SNX3: variants seen among roughly 807,000 people sequenced by gnomAD.
The protein encoded by SNX3 is sorting nexin-3.
Under a neutral mutation model 17.7 loss-of-function variants are expected in SNX3, and 5 were observed. The observed-to-expected ratio is 0.28, with a 90% confidence interval of 0.15 to 0.59. The LOEUF (loss-of-function observed/expected upper bound fraction) is 0.59. Among genes scored for constraint, SNX3 ranks in the 20% least tolerant of loss-of-function variants. The pLI is 0.88. For missense variants in SNX3, 132 were observed against 206.8 expected, an observed-to-expected ratio of 0.64 and a Z score of 2.22; for synonymous variants, 91 against 76.5, an observed-to-expected ratio of 1.19 and a Z score of -0.99.
At chr6:108,244,665 T>C (rs1395795848) in intron 1 of SNX3, among the ~76,000 whole-genome samples, 2 of 145,948 alleles carry the variant, frequency 1.4e-5, no homozygotes, top group South Asian at 4.5e-4. Flanking sequence ...TTTTTTTTTT[T>C]TTTTTTGCTC....
At chr6:108,234,922 G>T (rs1265220763) in intron 1 of SNX3, among the ~76,000 whole-genome samples, 1 of 152,142 alleles carries the variant, frequency 6.6e-6, no homozygotes, top group Non-Finnish European at 1.5e-5. Flanking sequence ...GATCCAGGGA[G>T]TTTAAATATT....
At chr6:108,243,502 T>C (rs1230620896) in intron 1 of SNX3, among the ~76,000 whole-genome samples, 1 of 152,204 alleles carries the variant, frequency 6.6e-6, no homozygotes, top group Non-Finnish European at 1.5e-5. Context: ...CATGCTCATG[T>C]GTGTGACATG....
At chr6:108,245,153 C>T (rs1185709451) in intron 1 of SNX3, among the ~76,000 whole-genome samples, 1 of 151,990 alleles carries the variant, frequency 6.6e-6, no homozygotes, top group Admixed American at 6.6e-5. Flanking sequence ...ATGTTCCCCT[C>T]CCTGTGTCCA....
At chr6:108,243,236 G>GA (rs1412599683) in intron 1 of SNX3, among the ~76,000 whole-genome samples, 4 of 152,092 alleles carry the variant, frequency 2.6e-5, no homozygotes, top group Admixed American at 2.6e-4. Flanking sequence ...CTCCTGTGTA[G>GA]ATGAGACTAT....
At chr6:108,234,553 A>AAAAAC (rs961180068) in intron 1 of SNX3, among the ~76,000 whole-genome samples, 12 of 152,292 alleles carry the variant, frequency 7.9e-5, no homozygotes, top group East Asian at 7.7e-4. Flanking sequence ...TCTGTCTCAA[A>AAAAAC]AAAACAAAAC....
intron 1 of SNX3, among the ~76,000 whole-genome samples, chr6:108,242,641 C>A (rs149888849): frequency 0.018 from 2,732 of 152,280 alleles, 38 homozygotes; most frequent in Middle Eastern, 0.075. Context: ...GTGAGTGAGG[C>A]CTATGAATGC....
At chr6:108,224,746 A>G (rs992417580) in intron 1 of SNX3, among the ~76,000 whole-genome samples, 2 of 152,230 alleles carry the variant, frequency 1.3e-5, no homozygotes, top group Non-Finnish European at 2.9e-5. Flanking sequence ...TACCCCTAGT[A>G]GGAAATTAAA....
intron 2 of SNX3, among the ~76,000 whole-genome samples, chr6:108,217,654 C>A (rs1169534812): frequency 6.6e-6 from 1 of 150,972 alleles, no homozygotes; most frequent in Non-Finnish European, 1.5e-5. Flanking sequence ...ACTCAGGAGG[C>A]TGAGGAGAAT....
At chr6:108,223,424 C>G (rs1317229656) in intron 1 of SNX3, among the ~76,000 whole-genome samples, 2 of 151,826 alleles carry the variant, frequency 1.3e-5, no homozygotes, top group Non-Finnish European at 2.9e-5. Context: ...AGGCATGAGC[C>G]ACGGCACCCG....
Position 108,261,040 on chromosome 6 carries a change from G to T in SNX3, c.-119C>A. 3.1e-6 allele frequency: 3 copies of T among 982,258 alleles called. No homozygotes were observed. Among genetic ancestry groups the T allele is most frequent in the Non-Finnish European group, 4.1e-6 (3 of 726,446 alleles). The allele number at this position is 982,258 out of a possible 1,614,324, so 60.8% of individuals were successfully genotyped here. On this transcript the variant is annotated 5_prime_UTR_variant, in exon 1 of 4. Coordinates refer to ENST00000230085, the MANE Select transcript of SNX3 (RefSeq NM_003795.6). ...GGCTCGCGCGCAGCGGTCGCGAAGAGAACGAGCACGTAGAGCGGGCGTTCA... is the reference window on the plus strand; with the variant it reads ...GGCTCGCGCGCAGCGGTCGCGAAGATAACGAGCACGTAGAGCGGGCGTTCA...
rs1045977800 is a variant in SNX3, at chr6:108,258,488, T to G, written c.162+2272A>C. On this transcript the variant is annotated intron_variant, in intron 1 of 3. Coordinates refer to ENST00000230085, the MANE Select transcript of SNX3 (RefSeq NM_003795.6). The stretch of plus-strand genomic sequence containing the variant: ...AAAAAAAAAAAAATTTTCTTTAACA[T>G]GTAAATGACTATACCAAAACCCTTT... Among the ~76,000 whole-genome samples the G allele has an allele frequency of 2.6e-5, 4 of 151,736 alleles. No individual in the cohort carries two copies. The South Asian group carries it at 8.3e-4, about 31-fold the overall frequency.
chr6:108,228,470 C>T (rs973965524), intron 1 of SNX3, among the ~76,000 whole-genome samples: 1 of 151,946 alleles, frequency 6.6e-6, no homozygotes, highest in African/African-American at 2.4e-5. Context: ...TGCTTGAACC[C>T]GGGAAGCGGA....
At chr6:108,221,536 T>TTTC (rs1774773831) in intron 2 of SNX3, among the ~76,000 whole-genome samples, 1 of 71,820 alleles carries the variant, frequency 1.4e-5, no homozygotes, top group Admixed American at 1.6e-4. Flanking sequence ...ATTACACTTT[T>TTTC]TTTTTTTTTT....
chr6:108,256,691 A>C (rs1212410645), intron 1 of SNX3, among the ~76,000 whole-genome samples: 1 of 152,234 alleles, frequency 6.6e-6, no homozygotes, highest in Non-Finnish European at 1.5e-5. Context: ...GTCTCCAGGT[A>C]AAATAGATCT....
At chr6:108,239,508 A>C (rs217125) in intron 1 of SNX3, among the ~76,000 whole-genome samples, 308 of 152,332 alleles carry the variant, frequency 2.0e-3, no homozygotes, top group African/African-American at 7.1e-3. Flanking sequence ...ATTAAGTAGA[A>C]ACTATTATTA....
At chr6:108,230,408 T>C (rs1356108167) in intron 1 of SNX3, among the ~76,000 whole-genome samples, 4 of 152,146 alleles carry the variant, frequency 2.6e-5, no homozygotes, top group Non-Finnish European at 5.9e-5. Context: ...TGAAATAATA[T>C]TTGTAGGAAA....
rs948171192 is a variant in SNX3 at position 108,260,967 on chromosome 6, C to T, written c.-46G>A. ...CGCCGCGGGCTCCCTCCGCCCCCTC[C>T]GCGTTCAGCCGCCGCCGCCGCCGCT... On this transcript the variant is annotated 5_prime_UTR_variant, in exon 1 of 4. Transcript: ENST00000230085. The T allele has an allele frequency of 1.5e-5, 22 of 1,451,242 alleles. No homozygotes were observed. The highest frequency in any genetic ancestry group is 1.9e-5 in the Non-Finnish European group (21 of 1,107,808). The allele number at this position is 1,451,242 out of a possible 1,614,324, so 89.9% of individuals were successfully genotyped here. A position where few individuals can be genotyped will look rare whatever the true frequency, so the allele number is the denominator to read the frequency against.
At chr6:108,220,268 A>G (rs1312652605) in intron 2 of SNX3, among the ~76,000 whole-genome samples, 2 of 150,422 alleles carry the variant, frequency 1.3e-5, no homozygotes, top group African/African-American at 4.9e-5. Context: ...CACTCGCCAC[A>G]TACTAACTGA....
At chr6:108,220,360 A>T (rs758872322) in intron 2 of SNX3, among the ~76,000 whole-genome samples, 6 of 151,614 alleles carry the variant, frequency 4.0e-5, no homozygotes, top group Non-Finnish European at 7.4e-5. Flanking sequence ...AAAATCTTCC[A>T]TGCTTTAAAA....
Sources: gnomAD v4.1 joint callset for allele counts (sites outside exome capture counted in the v4.1 genomes callset) on GRCh38, gnomAD v4.1.1 for gene constraint, MANE v1.5 for transcripts, NCBI Gene and HGNC (gene_info 2026-07-23, HGNC 2026-07-21) for gene names.